The following VOPP1 variants were observed in gnomAD, a reference collection of about 807,000 sequenced individuals.
The protein encoded by VOPP1 is VOPP1 WW domain binding protein, also known as WW domain binding protein VOPP1.
In VOPP1, 8 loss-of-function variants were observed where a neutral mutation model predicts 23.5. The ratio of observed to expected loss-of-function variants is 0.34; its 90% CI spans 0.20 to 0.61. VOPP1 has a LOEUF of 0.61. Ranked by LOEUF, VOPP1 falls within the 20% of genes least tolerant of loss-of-function variation. The pLI, the probability that VOPP1 is intolerant of heterozygous loss-of-function variation, is 0.78. For missense variants in VOPP1, 174 were observed against 238.1 expected, an observed-to-expected ratio of 0.73 and a Z score of 1.77; for synonymous variants, 83 against 97.3, an observed-to-expected ratio of 0.85 and a Z score of 0.86.
chr7:55,470,400 G>A (rs17172486), downstream of VOPP1, among the ~76,000 whole-genome samples: 3,360 of 152,166 alleles, frequency 0.022, 127 homozygotes, highest in African/African-American at 0.074. Flanking sequence ...TTACTTCAGC[G>A]ATGCTTCTGT....
chr7:55,446,159 AT>A (rs1269876436), intron 4 of VOPP1, among the ~76,000 whole-genome samples: 4 of 151,872 alleles, frequency 2.6e-5, no homozygotes, highest in Non-Finnish European at 5.9e-5. Flanking sequence ...CGCCCAGATA[AT>A]TTTTTTGTAT....
At chr7:55,539,648 G>GCCC (rs10638209) in intron 1 of VOPP1, 94,800 of 151,594 alleles carry the variant, frequency 0.63, 30,522 homozygotes, top group Admixed American at 0.7. Context: ...TGGATCATCA[G>GCCC]CCCCGCTGTG....
chr7:55,450,245 G>A (rs1488030997), intron 4 of VOPP1, among the ~76,000 whole-genome samples: 1 of 152,114 alleles, frequency 6.6e-6, no homozygotes, highest in Non-Finnish European at 1.5e-5. Context: ...CGACCTGGGG[G>A]TGTTCTTGAG....
chr7:55,464,561 T>C (rs549427180), intron 4 of VOPP1, among the ~76,000 whole-genome samples: 69 of 152,284 alleles, frequency 4.5e-4, no homozygotes, highest in African/African-American at 1.6e-3. Context: ...GTTCCCTTTG[T>C]TCTGGTGACT....
intron 4 of VOPP1, among the ~76,000 whole-genome samples, chr7:55,484,765 T>C (rs1583876657): frequency 6.6e-6 from 1 of 152,206 alleles, no homozygotes; most frequent in East Asian, 1.9e-4. Context: ...TGAACAAGTA[T>C]GCGTTCATAC....
intron 1 of VOPP1, among the ~76,000 whole-genome samples, chr7:55,561,312 C>T (rs1412392004): frequency 2.0e-5 from 3 of 152,142 alleles, no homozygotes; most frequent in Non-Finnish European, 4.4e-5. Context: ...TCCCCACTCC[C>T]CTTCCAAAGC....
chr7:55,468,831 G>A (rs1791702434), downstream of VOPP1, among the ~76,000 whole-genome samples: 1 of 152,180 alleles, frequency 6.6e-6, no homozygotes, highest in Admixed American at 6.5e-5. Context: ...AAAATGGGCA[G>A]GTCAGATCTC....
intron 4 of VOPP1, among the ~76,000 whole-genome samples, chr7:55,440,292 C>A (rs1790931998): frequency 6.6e-6 from 1 of 152,212 alleles, no homozygotes; most frequent in South Asian, 2.1e-4. Context: ...CTGGCTGGAC[C>A]TTTTAGAGGG....
intron 3 of VOPP1, among the ~76,000 whole-genome samples, chr7:55,496,764 G>A (rs1172836476): frequency 6.6e-6 from 1 of 152,234 alleles, no homozygotes; most frequent in African/African-American, 2.4e-5. Context: ...CACATGCTCA[G>A]TAAGGTCTTA....
rs888537125 is a variant in VOPP1, at chr7:55,502,274, G to A, written c.114-4584C>T. ...CGTCCTAGAATATTTGGAGTATAAC[G>A]GATTACAAGTTCCTCTTTGTTGGCA... is the stretch of plus-strand genomic sequence containing the variant. On this transcript the variant is annotated intron_variant, in intron 2 of 4. Transcript: ENST00000285279. Among the ~76,000 whole-genome samples the A allele has an allele frequency of 2.6e-5, 4 of 152,132 alleles. No homozygotes were observed. In the South Asian group the frequency reaches 8.3e-4, roughly 31 times the overall value.
chr7:55,449,128 A>G (rs1253336601), intron 4 of VOPP1, among the ~76,000 whole-genome samples: 3 of 152,222 alleles, frequency 2.0e-5, no homozygotes, highest in African/African-American at 7.2e-5. Context: ...ATAAAAAATA[A>G]AGGCATGGGT....
chr7:55,544,378 G>A (rs1316313846), intron 1 of VOPP1, among the ~76,000 whole-genome samples: 5 of 152,202 alleles, frequency 3.3e-5, no homozygotes. Context: ...TGGGGCAGTA[G>A]GGCTGGTGGG....
At chr7:55,539,163 G>A (rs1170065776) in intron 1 of VOPP1, among the ~76,000 whole-genome samples, 1 of 152,000 alleles carries the variant, frequency 6.6e-6, no homozygotes, top group Admixed American at 6.6e-5. Context: ...GGGCAACATG[G>A]TGAAACCCCC....
At chr7:55,473,565 G>A (rs1195207279) in intron 4 of VOPP1, among the ~76,000 whole-genome samples, 1 of 152,178 alleles carries the variant, frequency 6.6e-6, no homozygotes, top group Admixed American at 6.5e-5. Context: ...CGCTCCATGG[G>A]TCAGGAGCGG....
intron 3 of VOPP1, among the ~76,000 whole-genome samples, chr7:55,493,744 C>T (rs1186682686): frequency 6.6e-6 from 1 of 152,148 alleles, no homozygotes; most frequent in Admixed American, 6.5e-5. Context: ...AGACAGATAC[C>T]AACTTTTACA....
chr7:55,566,766 A>G (rs1458175066), intron 1 of VOPP1, among the ~76,000 whole-genome samples: 2 of 152,222 alleles, frequency 1.3e-5, no homozygotes, highest in Non-Finnish European at 2.9e-5. Flanking sequence ...TCAGATATTG[A>G]GGACATCCTC....
chr7:55,441,737 G>T (rs541497311), intron 4 of VOPP1, among the ~76,000 whole-genome samples: 14 of 152,202 alleles, frequency 9.2e-5, no homozygotes, highest in African/African-American at 3.4e-4. Context: ...CCAGGTCATT[G>T]GTTCTTTCTG....
intron 2 of VOPP1, among the ~76,000 whole-genome samples, chr7:55,512,487 G>C (rs1055036745): frequency 6.6e-6 from 1 of 152,126 alleles, no homozygotes; most frequent in African/African-American, 2.4e-5. Flanking sequence ...TTCTTAAGCA[G>C]AAGATCACCA....
At chr7:55,513,443 A>G (rs1795210869) in intron 2 of VOPP1, among the ~76,000 whole-genome samples, 2 of 151,646 alleles carry the variant, frequency 1.3e-5, no homozygotes, top group African/African-American at 4.8e-5. Flanking sequence ...TGAATTCCCT[A>G]TCGTCTCAGT....
Sources: allele counts gnomAD v4.1 joint callset (sites outside exome capture counted in the v4.1 genomes callset), GRCh38; gene constraint gnomAD v4.1.1; transcripts MANE v1.5; gene names NCBI Gene and HGNC (gene_info 2026-07-23, HGNC 2026-07-21).